The following ADK variants were observed in gnomAD, a reference collection of about 807,000 sequenced individuals.
ADK encodes adenosine kinase.
In ADK, 24 loss-of-function variants were observed where a neutral mutation model predicts 44.7. The ratio of observed to expected loss-of-function variants is 0.54; its 90% CI spans 0.39 to 0.76. ADK has a LOEUF of 0.76. Among genes scored for constraint, ADK ranks in the 30% least tolerant of loss-of-function variants. The pLI is 0.00. For missense variants in ADK, 321 were observed against 425.1 expected, an observed-to-expected ratio of 0.76 and a Z score of 2.15; for synonymous variants, 128 against 142.6, an observed-to-expected ratio of 0.90 and a Z score of 0.73.
At chr10:74,610,885 G>A (rs2133993560) in intron 9 of ADK, among the ~76,000 whole-genome samples, 1 of 152,058 alleles carries the variant, frequency 6.6e-6, no homozygotes, top group South Asian at 2.1e-4. Context: ...CATATATAGT[G>A]CTTTATAGAA....
At chr10:74,179,718 C>G (rs1481311388) in intron 1 of ADK, among the ~76,000 whole-genome samples, 1 of 152,130 alleles carries the variant, frequency 6.6e-6, no homozygotes, top group Non-Finnish European at 1.5e-5. Flanking sequence ...ATTAATCCAC[C>G]CCTTGTTTAG....
intron 4 of ADK, among the ~76,000 whole-genome samples, chr10:74,364,509 T>A (rs543110595): frequency 1.3e-5 from 2 of 152,326 alleles, no homozygotes; most frequent in East Asian, 3.8e-4. Flanking sequence ...TTTATCAGTG[T>A]TGACCTTACC....
At chr10:74,544,542 A>G (rs948758787) in intron 7 of ADK, among the ~76,000 whole-genome samples, 7 of 152,338 alleles carry the variant, frequency 4.6e-5, no homozygotes, top group Non-Finnish European at 8.8e-5. Context: ...ATAATCAATT[A>G]TAAATGAAAG....
intron 6 of ADK, among the ~76,000 whole-genome samples, chr10:74,466,837 A>G (rs1293467098): frequency 6.6e-6 from 1 of 152,168 alleles, no homozygotes; most frequent in Non-Finnish European, 1.5e-5. Context: ...TCTTCCTTTA[A>G]TATCTGTTAC....
At chr10:74,629,368 A>C (rs1400731740) in intron 9 of ADK, among the ~76,000 whole-genome samples, 1 of 152,138 alleles carries the variant, frequency 6.6e-6, no homozygotes, top group Non-Finnish European at 1.5e-5. Flanking sequence ...CTGTTACCCC[A>C]ACTGTATAAG....
rs1394201901 is a variant in ADK at position 74,352,063 on chromosome 10, AAAAG to A, written c.273+37322_273+37325del. ...ACTTTCTTCGCAGAGTTAAAAAAAAAAAAGAAACAAACCTTAAATTTCATATGGA... is the reference window on the plus strand; with the variant it reads ...ACTTTCTTCGCAGAGTTAAAAAAAAAAAACAAACCTTAAATTTCATATGGA... On this transcript the variant is annotated intron_variant, in intron 4 of 10. Coordinates refer to ENST00000539909, the MANE Select transcript of ADK (RefSeq NM_006721.4). Among the ~76,000 whole-genome samples the A allele has an allele frequency of 2.6e-5, 4 of 151,896 alleles. No homozygotes were observed. The South Asian group carries it at 6.2e-4, about 24-fold the overall frequency.
intron 4 of ADK, among the ~76,000 whole-genome samples, chr10:74,358,027 G>T (rs1842203779): frequency 6.6e-6 from 1 of 152,110 alleles, no homozygotes; most frequent in Non-Finnish European, 1.5e-5. Flanking sequence ...AATGCTTCTA[G>T]AATTTTTTAA....
At chr10:74,303,867 G>A (rs1840161601) in intron 3 of ADK, among the ~76,000 whole-genome samples, 2 of 151,646 alleles carry the variant, frequency 1.3e-5, no homozygotes, top group South Asian at 4.2e-4. Context: ...TATTAGGGAG[G>A]CTGAGGCAGG....
At position 74,410,815 on chromosome 10, in the gene ADK, AT is replaced by A. The variant is rs931696908; in HGVS notation, c.555+12245del. ...CTTTGGCAGAGTAAGTGAACTAATG[AT>A]TTTTTTTTATAATTTAAGCTAGTCT... is the stretch of plus-strand genomic sequence containing the variant. On this transcript the variant is annotated intron_variant, in intron 6 of 10. Transcript: ENST00000539909. 2.4e-3 allele frequency among the ~76,000 whole-genome samples: 366 copies of A among 151,902 alleles called. 2 individuals carry two copies. The highest frequency in any genetic ancestry group is 8.4e-3 in the African/African-American group (348 of 41,458).
intron 4 of ADK, among the ~76,000 whole-genome samples, chr10:74,336,700 T>G (rs760893916): frequency 1.3e-5 from 2 of 152,214 alleles, no homozygotes; most frequent in East Asian, 1.9e-4. Context: ...TAGGACCCTC[T>G]GTGGATACCA....
At chr10:74,547,017 T>C (rs1564785581) in intron 7 of ADK, among the ~76,000 whole-genome samples, 3 of 152,314 alleles carry the variant, frequency 2.0e-5, no homozygotes, top group African/African-American at 7.2e-5. Flanking sequence ...GTAGGGTTTT[T>C]CCCACACATT....
At chr10:74,662,555 A>G (rs1854775373) in intron 9 of ADK, among the ~76,000 whole-genome samples, 1 of 152,220 alleles carries the variant, frequency 6.6e-6, no homozygotes, top group African/African-American at 2.4e-5. Context: ...TGCTGGGATT[A>G]TAGACATGAG....
intron 3 of ADK, among the ~76,000 whole-genome samples, chr10:74,256,061 AT>A (rs1181158312): frequency 6.6e-6 from 1 of 152,230 alleles, no homozygotes; most frequent in Non-Finnish European, 1.5e-5. Context: ...CACAGTGGCG[AT>A]AGGCTTAAGC....
intron 1 of ADK, among the ~76,000 whole-genome samples, chr10:74,177,943 A>ATTTTTTT (rs71475261): frequency 1.2e-4 from 7 of 56,844 alleles, no homozygotes; most frequent in Non-Finnish European, 4.5e-5. Context: ...ATATATATAT[A>ATTTTTTT]TATTTTTTTT....
intron 10 of ADK, among the ~76,000 whole-genome samples, chr10:74,694,606 C>T (rs1265472410): frequency 6.6e-6 from 1 of 151,706 alleles, no homozygotes; most frequent in Non-Finnish European, 1.5e-5. Flanking sequence ...CTTAGCCTCC[C>T]GAGTAGCTAG....
chr10:74,502,164 A>G (rs569027830), intron 6 of ADK, among the ~76,000 whole-genome samples: 2 of 152,214 alleles, frequency 1.3e-5, no homozygotes, highest in African/African-American at 4.8e-5. Flanking sequence ...CCCAGGCCAG[A>G]ATTTGAGTAT....
chr10:74,448,311 G>A (rs1191535496), intron 6 of ADK, among the ~76,000 whole-genome samples: 1 of 152,078 alleles, frequency 6.6e-6, no homozygotes, highest in Non-Finnish European at 1.5e-5. Context: ...AAAAAGGATG[G>A]GAGTGTTCCC....
At chr10:74,334,633 A>T (rs1841345939) in intron 4 of ADK, among the ~76,000 whole-genome samples, 1 of 151,998 alleles carries the variant, frequency 6.6e-6, no homozygotes, top group Non-Finnish European at 1.5e-5. Flanking sequence ...CAGTCTCCAT[A>T]ATTTTCTGTT....
At chr10:74,309,362 C>A (rs1444716247) in intron 3 of ADK, among the ~76,000 whole-genome samples, 1 of 151,912 alleles carries the variant, frequency 6.6e-6, no homozygotes, top group African/African-American at 2.4e-5. Context: ...TTAATATATC[C>A]TTGATTACTG....
Sources: gnomAD v4.1 joint callset for allele counts (sites outside exome capture counted in the v4.1 genomes callset) on GRCh38, gnomAD v4.1.1 for gene constraint, MANE v1.5 for transcripts, NCBI Gene and HGNC (gene_info 2026-07-23, HGNC 2026-07-21) for gene names.